The following GPC6 variants were observed in gnomAD, a reference collection of about 807,000 sequenced individuals.
GPC6 encodes glypican 6.
Under a neutral mutation model 55.2 loss-of-function variants are expected in GPC6, and 14 were observed. That is an observed-to-expected ratio of 0.25 (90% CI 0.17 to 0.40). GPC6 has a LOEUF of 0.40. Among genes scored for constraint, GPC6 ranks in the 10% least tolerant of loss-of-function variants. The probability of loss-of-function intolerance (pLI) is 1.00; values close to 1 mark genes in which losing one functional copy is unlikely to be tolerated. For synonymous variants in GPC6, 278 were observed against 259.6 expected (o/e 1.07, Z -0.68); for missense variants, 641 against 708.5 (o/e 0.90, Z 1.08).
chr13:94,337,267 C>T (rs1877756646), intron 6 of GPC6, among the ~76,000 whole-genome samples: 1 of 152,088 alleles, frequency 6.6e-6, no homozygotes. Flanking sequence ...CCTTGATATT[C>T]TCATCTGTAG....
At chr13:93,246,775 G>C (rs1043259479) in intron 1 of GPC6, among the ~76,000 whole-genome samples, 5 of 99,484 alleles carry the variant, frequency 5.0e-5, no homozygotes, top group Non-Finnish European at 7.1e-5. Flanking sequence ...CTGGGCGGCA[G>C]AGCAAGACTG....
At chr13:93,814,233 T>TC (rs1282986872) in intron 2 of GPC6, among the ~76,000 whole-genome samples, 1 of 152,172 alleles carries the variant, frequency 6.6e-6, no homozygotes, top group Admixed American at 6.5e-5. Context: ...TTATTCTAGA[T>TC]TTATGCCATT....
Position 94,324,663 on chromosome 13 carries a change from G to C in GPC6, c.1152+18540G>C, listed in dbSNP as rs374779749. Among the ~76,000 whole-genome samples the C allele has an allele frequency of 1.3e-4, 19 of 151,390 alleles. No individual in the cohort carries two copies. The East Asian group carries it at 1.6e-3, about 12-fold the overall frequency. Reference sequence around the variant, plus strand: ...ACAAAGATAGCAGATAAGAGGCACAGAGATAAGGGACTGAGGAACCAGAAC... The same window carrying C: ...ACAAAGATAGCAGATAAGAGGCACACAGATAAGGGACTGAGGAACCAGAAC... On this transcript the variant is annotated intron_variant, in intron 6 of 8. Coordinates refer to ENST00000377047, the MANE Select transcript of GPC6 (RefSeq NM_005708.5).
At chr13:93,959,711 A>G (rs151022179) in intron 3 of GPC6, among the ~76,000 whole-genome samples, 1 of 152,148 alleles carries the variant, frequency 6.6e-6, no homozygotes, top group Non-Finnish European at 1.5e-5. Context: ...ACTACATCTC[A>G]GGGGTCAGCC....
At chr13:93,600,809 G>A (rs1404028684) in intron 2 of GPC6, among the ~76,000 whole-genome samples, 1 of 151,552 alleles carries the variant, frequency 6.6e-6, no homozygotes, top group Non-Finnish European at 1.5e-5. Flanking sequence ...AATTAGCCAG[G>A]TGTGGTGCTG....
At chr13:93,825,845 T>G (rs1005665352) in intron 2 of GPC6, among the ~76,000 whole-genome samples, 2 of 150,934 alleles carry the variant, frequency 1.3e-5, no homozygotes, top group African/African-American at 4.9e-5. Flanking sequence ...CTTTTATTTT[T>G]TATTTTATTA....
chr13:94,011,155 C>A (rs1167740913), intron 3 of GPC6, among the ~76,000 whole-genome samples: 1 of 151,872 alleles, frequency 6.6e-6, no homozygotes, highest in African/African-American at 2.4e-5. Flanking sequence ...GGGGTTTTTC[C>A]AGGGAAAAAT....
chr13:94,319,837 G>A (rs1251301172), intron 6 of GPC6, among the ~76,000 whole-genome samples: 1 of 152,150 alleles, frequency 6.6e-6, no homozygotes, highest in Non-Finnish European at 1.5e-5. Flanking sequence ...TCGTCATAAT[G>A]TGTAGGTATA....
At chr13:94,276,975 T>C (rs901414477) in intron 4 of GPC6, among the ~76,000 whole-genome samples, 1 of 152,126 alleles carries the variant, frequency 6.6e-6, no homozygotes, top group Non-Finnish European at 1.5e-5. Context: ...TCTAAGTAAA[T>C]TGGTATTTCT....
rs1363454667 is a variant in GPC6 at position 93,789,509 on chromosome 13, C to CTCTATATATA, written c.320-40644_320-40643insCTATATATAT. On this transcript the variant is annotated intron_variant, in intron 2 of 8. Transcript: ENST00000377047. Reference sequence around the variant, plus strand: ...TCTCTCTCTCTCTCTCTCTCTCTCTCTATATATATATATATATATATATAT... The same window carrying CTCTATATATA: ...TCTCTCTCTCTCTCTCTCTCTCTCTCTCTATATATATATATATATATATATATATATATAT... Among the ~76,000 whole-genome samples, 14 of 93,456 alleles carry CTCTATATATA rather than the reference C, an allele frequency of 1.5e-4. 1 individual carries two copies. The highest frequency in any genetic ancestry group is 4.2e-4 in the African/African-American group (10 of 23,778). 61.3% of individuals were successfully genotyped at this position (93,456 alleles called of 152,430 possible). A position where few individuals can be genotyped will look rare whatever the true frequency, so the allele number is the denominator to read the frequency against.
intron 3 of GPC6, among the ~76,000 whole-genome samples, chr13:93,906,258 A>T (rs549043939): frequency 1.3e-5 from 2 of 152,262 alleles, no homozygotes; most frequent in Non-Finnish European, 2.9e-5. Context: ...AAATGGCCAT[A>T]GCTCTAGATT....
At chr13:93,407,612 A>G (rs939682645) in intron 1 of GPC6, among the ~76,000 whole-genome samples, 1 of 152,192 alleles carries the variant, frequency 6.6e-6, no homozygotes, top group Non-Finnish European at 1.5e-5. Context: ...ATTGATAGAA[A>G]AGTTGACCAA....
chr13:94,026,364 A>G (rs1051525310), intron 3 of GPC6, among the ~76,000 whole-genome samples: 5 of 152,176 alleles, frequency 3.3e-5, no homozygotes, highest in Non-Finnish European at 2.9e-5. Flanking sequence ...TTGTTGTTCC[A>G]TCAATACACT....
At chr13:94,328,511 C>T (rs1418504913) in intron 6 of GPC6, among the ~76,000 whole-genome samples, 1 of 152,162 alleles carries the variant, frequency 6.6e-6, no homozygotes, top group Non-Finnish European at 1.5e-5. Context: ...GCTGTTCTGT[C>T]GCTGTCCTGT....
At chr13:93,442,063 TAAAG>T (rs1450396931) in intron 1 of GPC6, among the ~76,000 whole-genome samples, 1 of 152,052 alleles carries the variant, frequency 6.6e-6, no homozygotes, top group African/African-American at 2.4e-5. Context: ...AGATGATAAA[TAAAG>T]ACATGAATTC....
intron 1 of GPC6, among the ~76,000 whole-genome samples, chr13:93,432,547 A>G (rs1437475382): frequency 6.6e-6 from 1 of 152,160 alleles, no homozygotes; most frequent in Non-Finnish European, 1.5e-5. Flanking sequence ...TTTCTGAAAC[A>G]TTTTAATATG....
intron 2 of GPC6, among the ~76,000 whole-genome samples, chr13:93,616,487 A>C (rs1382260873): frequency 6.6e-6 from 1 of 152,094 alleles, no homozygotes; most frequent in Non-Finnish European, 1.5e-5. Context: ...CTGGTAGAAA[A>C]ATCAACTTAG....
chr13:93,303,755 G>A (rs944249480), intron 1 of GPC6, among the ~76,000 whole-genome samples: 2 of 152,178 alleles, frequency 1.3e-5, no homozygotes, highest in South Asian at 2.1e-4. Flanking sequence ...TCATCCTAGG[G>A]TTCAATTAGG....
chr13:94,161,879 A>G (rs1451051076), intron 4 of GPC6, among the ~76,000 whole-genome samples: 1 of 152,158 alleles, frequency 6.6e-6, no homozygotes, highest in Admixed American at 6.5e-5. Context: ...CCTCACAATC[A>G]TGATGAAGGC....
Sources: gnomAD v4.1 joint callset for allele counts (sites outside exome capture counted in the v4.1 genomes callset) on GRCh38, gnomAD v4.1.1 for gene constraint, MANE v1.5 for transcripts, NCBI Gene and HGNC (gene_info 2026-07-23, HGNC 2026-07-21) for gene names.